Variants in LPP observed in about 807,000 individuals in gnomAD.
The protein encoded by LPP is lipoma-preferred partner.
Under a neutral mutation model 60.4 loss-of-function variants are expected in LPP, and 38 were observed. That is an observed-to-expected ratio of 0.63 (90% CI 0.49 to 0.83). LPP has a LOEUF of 0.83. LPP is among the 40% of genes least tolerant of loss of function. The pLI is 0.00. For missense variants in LPP, 902 were observed against 783.6 expected (o/e 1.15, Z -1.80); for synonymous variants, 328 against 290.8 (o/e 1.13, Z -1.30).
At chr3:188,850,561 T>G (rs1285193395) in intron 9 of LPP, among the ~76,000 whole-genome samples, 1 of 152,136 alleles carries the variant, frequency 6.6e-6, no homozygotes, top group Non-Finnish European at 1.5e-5. Context: ...ATTCTTACCT[T>G]TAAAAGTTAG....
intron 9 of LPP, among the ~76,000 whole-genome samples, chr3:188,811,892 G>C (rs889488965): frequency 3.9e-5 from 6 of 152,142 alleles, no homozygotes; most frequent in African/African-American, 1.4e-4. Flanking sequence ...GGGTACATAA[G>C]ATGTTTTGAT....
rs759771853 is a variant in LPP, at chr3:188,609,896, C to T, written c.1113+52C>T. 6.6e-7 allele frequency: 1 copy of T among 1,521,788 alleles called. No homozygotes were observed. Among genetic ancestry groups the T allele is most frequent in the South Asian group, 1.3e-5 (1 of 77,578 alleles). 94.3% of individuals were successfully genotyped at this position (1,521,788 alleles called of 1,614,324 possible). Reference sequence around the variant, plus strand: ...AGAATACAGGGGTGCCTATCTTAGTCTGCCTTCCCCAGGAAGCGAAGCCTA... The same window carrying T: ...AGAATACAGGGGTGCCTATCTTAGTTTGCCTTCCCCAGGAAGCGAAGCCTA... On this transcript the variant is annotated intron_variant, in intron 7 of 11. Transcript: ENST00000617246. The surrounding 1 kb of genome is among the most constrained non-coding windows in gnomAD (Gnocchi z 6.9).
intron 7 of LPP, among the ~76,000 whole-genome samples, chr3:188,640,513 T>TACA (rs1849861816): frequency 7.0e-6 from 1 of 141,914 alleles, no homozygotes; most frequent in Non-Finnish European, 1.5e-5. Context: ...AAACTTAAAG[T>TACA]ATAATAATAA....
intron 4 of LPP, among the ~76,000 whole-genome samples, chr3:188,452,496 G>T (rs867407372): frequency 1.3e-5 from 2 of 152,150 alleles, no homozygotes; most frequent in Non-Finnish European, 2.9e-5. Context: ...TATTATTGTT[G>T]TTGTTGAGGG....
At chr3:188,763,097 G>A (rs982379256) in intron 9 of LPP, among the ~76,000 whole-genome samples, 5 of 152,126 alleles carry the variant, frequency 3.3e-5, no homozygotes, top group Admixed American at 6.6e-5. Flanking sequence ...AGAACTATGC[G>A]TCTCTCTTGG....
chr3:188,231,085 A>G (rs1424845005), intron 2 of LPP, among the ~76,000 whole-genome samples: 1 of 152,168 alleles, frequency 6.6e-6, no homozygotes, highest in East Asian at 1.9e-4. Context: ...AGCAAGAGAG[A>G]GTCCCTGAGA....
chr3:188,599,751 GGTGT>G (rs71169011), intron 6 of LPP, among the ~76,000 whole-genome samples: 2,142 of 139,886 alleles, frequency 0.015, 64 homozygotes, highest in African/African-American at 0.053. Flanking sequence ...ACTCGTTAGG[GGTGT>G]GTGTGTGTGT....
At chr3:188,246,611 A>G (rs1200788366) in intron 2 of LPP, among the ~76,000 whole-genome samples, 1 of 152,112 alleles carries the variant, frequency 6.6e-6, no homozygotes, top group Admixed American at 6.5e-5. Flanking sequence ...CAGCAACAAC[A>G]TTTTCCCTGG....
chr3:188,675,627 A>G (rs1857889736), intron 7 of LPP, among the ~76,000 whole-genome samples: 1 of 152,200 alleles, frequency 6.6e-6, no homozygotes, highest in African/African-American at 2.4e-5. Context: ...ATAGCCTTAG[A>G]CAAGTCATGT....
chr3:188,229,430 A>C (rs1204602895), intron 2 of LPP, among the ~76,000 whole-genome samples: 1 of 152,344 alleles, frequency 6.6e-6, no homozygotes, highest in African/African-American at 2.4e-5. Context: ...AGTATCAGGT[A>C]TTAGTCTCTG....
chr3:188,263,209 A>G (rs989159015), intron 2 of LPP, among the ~76,000 whole-genome samples: 2 of 152,174 alleles, frequency 1.3e-5, no homozygotes, highest in African/African-American at 4.8e-5. Flanking sequence ...AAATTACTGG[A>G]TATCCTGTTG....
At chr3:188,406,962 A>C (rs953730812) in intron 4 of LPP, among the ~76,000 whole-genome samples, 28 of 152,252 alleles carry the variant, frequency 1.8e-4, no homozygotes, top group Admixed American at 1.2e-3. Flanking sequence ...GTATACACTC[A>C]CACACGAAGC....
intron 2 of LPP, among the ~76,000 whole-genome samples, chr3:188,323,800 T>G (rs1757598988): frequency 6.6e-6 from 1 of 152,248 alleles, no homozygotes; most frequent in Non-Finnish European, 1.5e-5. Context: ...GGGCATCTTA[T>G]TCTCCTATGG....
At position 188,368,006 on chromosome 3, in the gene LPP, G is replaced by A. The variant is rs146587668; in HGVS notation, c.-10+26287G>A. Among the ~76,000 whole-genome samples, 258 of 152,274 alleles carry A rather than the reference G, an allele frequency of 1.7e-3. 2 individuals are homozygous for A. Among genetic ancestry groups the A allele is most frequent in the African/African-American group, 6.0e-3 (249 of 41,556 alleles). On this transcript the variant is annotated intron_variant, in intron 3 of 11. Coordinates refer to ENST00000617246, the MANE Select transcript of LPP (RefSeq NM_001375462.1). The stretch of plus-strand genomic sequence containing the variant: ...AATATAAAGTCATTTGGGCTAAACT[G>A]TAGACCTCCATCTGCCCTCCCTTCC...
chr3:188,672,353 T>C (rs1857118625), intron 7 of LPP, among the ~76,000 whole-genome samples: 1 of 152,104 alleles, frequency 6.6e-6, no homozygotes, highest in Non-Finnish European at 1.5e-5. Flanking sequence ...CATACCCCCA[T>C]TCATTTTCCA....
intron 6 of LPP, among the ~76,000 whole-genome samples, chr3:188,570,615 G>T (rs1441541331): frequency 1.3e-5 from 2 of 151,922 alleles, no homozygotes; most frequent in Non-Finnish European, 2.9e-5. Context: ...ATCTGAAATG[G>T]CTTAAAATAA....
intron 2 of LPP, among the ~76,000 whole-genome samples, chr3:188,300,959 G>C (rs1000879410): frequency 6.6e-6 from 1 of 152,096 alleles, no homozygotes; most frequent in Non-Finnish European, 1.5e-5. Flanking sequence ...TCCTAAGATT[G>C]ATCTTTTTTG....
At chr3:188,370,897 G>A (rs1490290552) in intron 3 of LPP, among the ~76,000 whole-genome samples, 1 of 152,106 alleles carries the variant, frequency 6.6e-6, no homozygotes, top group Non-Finnish European at 1.5e-5. Context: ...TCGCAGCTTT[G>A]TTTTGCTTTG....
intron 3 of LPP, among the ~76,000 whole-genome samples, chr3:188,359,641 G>T (rs1405760703): frequency 6.6e-6 from 1 of 152,146 alleles, no homozygotes; most frequent in East Asian, 1.9e-4. Flanking sequence ...GTGGAGTCAG[G>T]ATTATTAATC....
Sources: gnomAD v4.1 joint callset for allele counts (sites outside exome capture counted in the v4.1 genomes callset) on GRCh38, gnomAD v4.1.1 for gene constraint, Gnocchi (gnomAD v3.1) non-coding constraint, MANE v1.5 for transcripts, NCBI Gene and HGNC (gene_info 2026-07-23, HGNC 2026-07-21) for gene names.